CSMD1: variants seen among roughly 807,000 people sequenced by gnomAD.
CSMD1 encodes CUB and Sushi multiple domains 1.
A neutral mutation model predicts 417.5 loss-of-function variants in CSMD1; 213 were observed. The ratio of observed to expected loss-of-function variants is 0.51; its 90% confidence interval spans 0.46 to 0.57. CSMD1 has a LOEUF of 0.57. CSMD1 is among the 20% of genes least tolerant of loss of function. The pLI is 0.00. For synonymous variants in CSMD1, 2,862 were observed against 1,736.8 expected (o/e 1.65, Z -16.11); for missense variants, 6,923 against 4,529.7 (o/e 1.53, Z -15.17).
At chr8:3,941,703 A>C (rs1386344801) in intron 5 of CSMD1, among the ~76,000 whole-genome samples, 1 of 152,156 alleles carries the variant, frequency 6.6e-6, no homozygotes, top group East Asian at 1.9e-4. Flanking sequence ...ATTTTTTCCC[A>C]GATGTTATTT....
intron 7 of CSMD1, among the ~76,000 whole-genome samples, chr8:3,686,304 C>G (rs77408092): frequency 0.031 from 4,754 of 152,220 alleles, 95 homozygotes; most frequent in South Asian, 0.069. Flanking sequence ...TCATTGACAG[C>G]TAACACTGTG....
intron 1 of CSMD1, among the ~76,000 whole-genome samples, chr8:4,679,665 C>T (rs1054185395): frequency 2.6e-5 from 4 of 152,108 alleles, no homozygotes; most frequent in African/African-American, 7.2e-5. Context: ...TTAGGAGGAT[C>T]AAACAACATA....
At chr8:3,776,851 C>A (rs879523728) in intron 5 of CSMD1, among the ~76,000 whole-genome samples, 22 of 136,748 alleles carry the variant, frequency 1.6e-4, no homozygotes, top group Admixed American at 1.5e-3. Flanking sequence ...CATAGAATGA[C>A]AGATACAGAC....
intron 3 of CSMD1, among the ~76,000 whole-genome samples, chr8:4,150,890 T>TCATAAATTA (rs74407091): frequency 1.3e-5 from 2 of 152,132 alleles, no homozygotes; most frequent in Admixed American, 6.5e-5. Context: ...GAGAAACGCC[T>TCATAAATTA]GAGAAAGAGC....
intron 5 of CSMD1, among the ~76,000 whole-genome samples, chr8:3,930,202 G>A (rs1484101812): frequency 6.7e-6 from 1 of 150,088 alleles, no homozygotes; most frequent in African/African-American, 2.5e-5. Flanking sequence ...ATTAGATGAT[G>A]ATTCTATACG....
At chr8:3,722,099 T>G (rs1802211717) in intron 6 of CSMD1, among the ~76,000 whole-genome samples, 1 of 152,024 alleles carries the variant, frequency 6.6e-6, no homozygotes, top group South Asian at 2.1e-4. Flanking sequence ...TCTCAGCACT[T>G]TGGGAGGCCG....
intron 2 of CSMD1, among the ~76,000 whole-genome samples, chr8:4,471,111 T>A (rs1393502767): frequency 6.6e-6 from 1 of 152,216 alleles, no homozygotes; most frequent in Non-Finnish European, 1.5e-5. Flanking sequence ...GTGTGAAATG[T>A]TTAATTTTTA....
intron 2 of CSMD1, among the ~76,000 whole-genome samples, chr8:4,472,858 T>G (rs1273039750): frequency 6.6e-6 from 1 of 152,016 alleles, no homozygotes; most frequent in African/African-American, 2.4e-5. Context: ...TGACATATGA[T>G]TAAACATAGT....
chr8:4,853,119 G>A (rs942792433), intron 1 of CSMD1, among the ~76,000 whole-genome samples: 4 of 152,184 alleles, frequency 2.6e-5, no homozygotes, highest in East Asian at 1.9e-4. Flanking sequence ...TGTTTTTAGT[G>A]GAAGAATCCA....
At position 3,406,019 on chromosome 8, in the gene CSMD1, G is replaced by A. The variant is rs1812322385; in HGVS notation, c.2266+8C>T. 1 of 1,612,756 alleles carries A rather than the reference G, an allele frequency of 6.2e-7. No individual in the cohort carries two copies. The highest frequency in any genetic ancestry group is 8.5e-7 in the Non-Finnish European group (1 of 1,179,190). ...AAGGAGAAGAGCGGGGGGTGGCAGG[G>A]ACTGCACCTTCACAGCGGGGCACGG... On this transcript the variant is annotated splice_region_variant and intron_variant, in intron 15 of 69. Coordinates refer to ENST00000635120, the MANE Select transcript of CSMD1 (RefSeq NM_033225.6).
chr8:3,211,708 AC>A (rs1797619203), intron 30 of CSMD1, among the ~76,000 whole-genome samples: 2 of 152,118 alleles, frequency 1.3e-5, no homozygotes, highest in South Asian at 4.1e-4. Context: ...TGCAGGGCGC[AC>A]CTTTCAGTGC....
chr8:3,828,431 A>C (rs1331341003), intron 5 of CSMD1, among the ~76,000 whole-genome samples: 2 of 152,178 alleles, frequency 1.3e-5, no homozygotes, highest in Non-Finnish European at 2.9e-5. Context: ...TCTGACTTGG[A>C]ATACAAAAAG....
intron 3 of CSMD1, among the ~76,000 whole-genome samples, chr8:4,415,124 A>T (rs1044208857): frequency 6.6e-6 from 1 of 152,090 alleles, no homozygotes; most frequent in African/African-American, 2.4e-5. Flanking sequence ...GAAATAACGT[A>T]AACTCAATTT....
chr8:4,328,242 ATTTTTTTTT>A (rs3067534), intron 3 of CSMD1, among the ~76,000 whole-genome samples: 34 of 124,702 alleles, frequency 2.7e-4, no homozygotes, highest in African/African-American at 1.1e-3. Flanking sequence ...ACTCAATACA[ATTTTTTTTT>A]TTTTTTTTTT....
At chr8:4,268,711 T>C (rs1253841436) in intron 3 of CSMD1, among the ~76,000 whole-genome samples, 2 of 151,838 alleles carry the variant, frequency 1.3e-5, no homozygotes, top group African/African-American at 2.4e-5. Context: ...TTTTTTGAAG[T>C]AACATAACCA....
At chr8:4,520,630 A>G (rs1176795916) in intron 2 of CSMD1, among the ~76,000 whole-genome samples, 2 of 152,160 alleles carry the variant, frequency 1.3e-5, no homozygotes, top group African/African-American at 4.8e-5. Flanking sequence ...TGGTTTAGAT[A>G]AGTTATTTCC....
At chr8:4,477,115 C>G (rs1171483042) in intron 2 of CSMD1, among the ~76,000 whole-genome samples, 2 of 152,222 alleles carry the variant, frequency 1.3e-5, no homozygotes, top group Admixed American at 6.5e-5. Context: ...CACCACCTGT[C>G]TCTTAAGAGT....
At chr8:4,511,015 A>T (rs1407986408) in intron 2 of CSMD1, among the ~76,000 whole-genome samples, 1 of 152,084 alleles carries the variant, frequency 6.6e-6, no homozygotes, top group South Asian at 2.1e-4. Flanking sequence ...CCTTTAACCT[A>T]TGTGGCTGCC....
At chr8:3,452,348 T>C (rs1448042465) in intron 12 of CSMD1, among the ~76,000 whole-genome samples, 2 of 152,230 alleles carry the variant, frequency 1.3e-5, no homozygotes, top group East Asian at 3.9e-4. Context: ...AACATCCAAC[T>C]CTATGTTGAA....
Sources: gnomAD v4.1 joint callset for allele counts (sites outside exome capture counted in the v4.1 genomes callset) on GRCh38, gnomAD v4.1.1 for gene constraint, MANE v1.5 for transcripts, NCBI Gene and HGNC (gene_info 2026-07-23, HGNC 2026-07-21) for gene names.